Variants in ARL13A observed in about 807,000 individuals in gnomAD.
ARL13A encodes ADP-ribosylation factor-like protein 13A.
ARL13A carries 16 observed loss-of-function variants against 19.1 expected under a neutral mutation model. The observed-to-expected ratio is 0.84, with a 90% CI of 0.57 to 1.27. The LOEUF (loss-of-function observed/expected upper bound fraction) is 1.27. ARL13A is among the 50% of genes most tolerant of loss of function. The pLI is 0.00. For missense variants in ARL13A, 153 were observed against 186.4 expected (o/e 0.82, Z 1.04); for synonymous variants, 69 against 71.3 (o/e 0.97, Z 0.17).
At chrX:100,986,718 C>T (rs1360724023) in intron 4 of ARL13A, 78 bp from the exon 5 acceptor site, 6 of 628,408 alleles carry the variant, frequency 9.5e-6, no homozygotes, top group Non-Finnish European at 1.5e-5. Context: ...CTCCTCTTTC[C>T]CTTCTTTTCT....
chrX:100,972,498 C>A (rs1237232673), intron 1 of ARL13A, among the ~76,000 whole-genome samples: 1 of 91,664 alleles, frequency 1.1e-5, no homozygotes, highest in African/African-American at 4.2e-5. Context: ...TGACCCCCCC[C>A]ACCTCCCTCC....
intron 3 of ARL13A, among the ~76,000 whole-genome samples, chrX:100,980,037 G>A (rs1321437687): frequency 9.0e-6 from 1 of 111,182 alleles, no homozygotes; most frequent in Non-Finnish European, 1.9e-5. Context: ...AGACTGTGCT[G>A]AGTCACACAT....
At chrX:100,977,489 T>C (rs1329767458) in intron 3 of ARL13A, among the ~76,000 whole-genome samples, 1 of 106,937 alleles carries the variant, frequency 9.4e-6, no homozygotes, top group East Asian at 3.0e-4. Context: ...CAAGCAATTC[T>C]CCTACCTCAG....
chrX:100,974,693 C>G (rs1223607932), intron 3 of ARL13A, among the ~76,000 whole-genome samples: 2 of 111,469 alleles, frequency 1.8e-5, no homozygotes, highest in Non-Finnish European at 3.8e-5. Context: ...GAAATGTCGT[C>G]AGTTCCGATA....
At chrX:100,988,551 T>A in intron 7 of ARL13A, 1 of 1,071,493 alleles carries the variant, frequency 9.3e-7, no homozygotes, top group Non-Finnish European at 1.2e-6. Flanking sequence ...ATGACAATAT[T>A]TTTGAAGGTA....
intron 3 of ARL13A, among the ~76,000 whole-genome samples, chrX:100,984,336 G>T (rs1174667568): frequency 9.6e-6 from 1 of 104,331 alleles, no homozygotes; most frequent in Non-Finnish European, 2.0e-5. Context: ...ATGGGGTTTT[G>T]CCATGTTGGC....
Position 100,977,369 on chromosome X carries a change from C to CTTTTT in ARL13A, c.130+3197_130+3201dup, listed in dbSNP as rs59915769. 1.2e-3 allele frequency among the ~76,000 whole-genome samples: 65 copies of CTTTTT among 56,452 alleles called. 8 individuals are homozygous for CTTTTT. Among genetic ancestry groups the CTTTTT allele is most frequent in the African/African-American group, 3.3e-3 (46 of 13,959 alleles). The allele number at this position is 56,452 out of a possible 115,157, so 49.0% of individuals were successfully genotyped here. A position where few individuals can be genotyped will look rare whatever the true frequency, so the allele number is the denominator to read the frequency against. On this transcript the variant is annotated intron_variant, in intron 3 of 7. Coordinates refer to ENST00000450049, the MANE Select transcript of ARL13A (RefSeq NM_001162491.2). ...GTAGTAATTATCCTTCTACTCTCTT[C>CTTTTT]TTTTTTTTTTTTTTTTTTTTTTTTT... is the stretch of plus-strand genomic sequence containing the variant.
At chrX:100,982,310 G>C (rs2085869137) in intron 3 of ARL13A, among the ~76,000 whole-genome samples, 1 of 106,183 alleles carries the variant, frequency 9.4e-6, no homozygotes, top group Admixed American at 1.1e-4. Context: ...GGCCAACATG[G>C]TGAAACCCCC....
chrX:100,978,023 A>C (rs1016174913), intron 3 of ARL13A, among the ~76,000 whole-genome samples: 6 of 112,213 alleles, frequency 5.3e-5, no homozygotes, highest in Non-Finnish European at 1.1e-4. Context: ...ATACATACAC[A>C]GCAGGTGGAT....
rs187178818 is a variant in ARL13A, at chrX:100,987,570, G to A, written c.653+14G>A. On this transcript the variant is annotated intron_variant, in intron 6 of 7. Transcript: ENST00000450049. ...CTCATCACACAGGTACTGAGATGCC[G>A]CTATGAGATTTGCTGATAAGAAAAG... The A allele has an allele frequency of 1.4e-5, 17 of 1,203,546 alleles. No individual in the cohort carries two copies. In the East Asian group the frequency reaches 1.8e-4, roughly 13 times the overall value.
chrX:100,976,607 TGTTA>T (rs763203539), intron 3 of ARL13A, among the ~76,000 whole-genome samples: 12 of 112,260 alleles, frequency 1.1e-4, no homozygotes, highest in Middle Eastern at 4.6e-3. Context: ...TTGTTGTTGT[TGTTA>T]GTTAGTTTTT....
chrX:100,984,061 C>A (rs2085900159), intron 3 of ARL13A, among the ~76,000 whole-genome samples: 1 of 110,159 alleles, frequency 9.1e-6, no homozygotes, highest in Non-Finnish European at 1.9e-5. Context: ...GTTCAACAGA[C>A]TGGAACGCAT....
Position 100,987,514 on chromosome X carries a change from C to G in ARL13A, c.611C>G (p.Ser204Cys). The change falls in exon 6 of 8, where the codon TCC becomes TGC. Residue 204 changes from serine (S) to cysteine (C), a missense_variant. Physicochemically the swap from Ser to Cys is moderately radical, Grantham distance 112. Coordinates refer to ENST00000450049, the MANE Select transcript of ARL13A (RefSeq NM_001162491.2). ...CCACCTACCTCGAGCATCTCAATCT[C>G]CAAGAATAACACAGGCTCTGGAGAA... ...QLPPTSSISI[S>C]KNNTGSGERC... The G allele has an allele frequency of 1.7e-6, 2 of 1,211,375 alleles. No individual in the cohort carries two copies. The highest frequency in any genetic ancestry group is 2.2e-6 in the Non-Finnish European group (2 of 895,456).
chrX:100,972,454 C>G (rs2085671676), intron 1 of ARL13A, among the ~76,000 whole-genome samples: 2 of 100,493 alleles, frequency 2.0e-5, no homozygotes, highest in African/African-American at 3.7e-5. Flanking sequence ...CGCCCCTCAC[C>G]TCCCAGACGG....
chrX:100,978,576 ATG>A (rs1477670913), intron 3 of ARL13A, among the ~76,000 whole-genome samples: 1 of 108,820 alleles, frequency 9.2e-6, no homozygotes, highest in Non-Finnish European at 1.9e-5. Flanking sequence ...TTCAGTCTAT[ATG>A]TGTCTTTATA....
intron 1 of ARL13A, among the ~76,000 whole-genome samples, chrX:100,970,338 C>T (rs1198740665): frequency 8.9e-6 from 1 of 112,639 alleles, no homozygotes; most frequent in Non-Finnish European, 1.9e-5. Flanking sequence ...ATAAGAAATG[C>T]TATGAAATGT....
chrX:100,977,382 T>C (rs1465129380), intron 3 of ARL13A, among the ~76,000 whole-genome samples: 42 of 65,911 alleles, frequency 6.4e-4, no homozygotes, highest in African/African-American at 2.4e-3. Flanking sequence ...TTTTTTTTTT[T>C]TTTTTTTTTT....
chrX:100,981,319 T>C (rs763027402), intron 3 of ARL13A, among the ~76,000 whole-genome samples: 1 of 112,103 alleles, frequency 8.9e-6, no homozygotes, highest in African/African-American at 3.2e-5. Context: ...GGGCAAATTC[T>C]GCCCTATGTA....
At chrX:100,980,975 CA>C (rs2085844621) in intron 3 of ARL13A, among the ~76,000 whole-genome samples, 1 of 111,770 alleles carries the variant, frequency 8.9e-6, no homozygotes, top group Non-Finnish European at 1.9e-5. Context: ...AGTTGTAACA[CA>C]ATGTTCTCTT....
Sources: allele counts gnomAD v4.1 joint callset (sites outside exome capture counted in the v4.1 genomes callset), GRCh38; gene constraint gnomAD v4.1.1; transcripts MANE v1.5; gene names NCBI Gene and HGNC (gene_info 2026-07-23, HGNC 2026-07-21).